Variants in DOCK8 observed in about 807,000 individuals in gnomAD.
The protein encoded by DOCK8 is dedicator of cytokinesis protein 8.
A neutral mutation model predicts 245.6 loss-of-function variants in DOCK8; 141 were observed. That is an observed-to-expected ratio of 0.57 (90% CI 0.50 to 0.66). DOCK8 has a LOEUF of 0.66. Among genes scored for constraint, DOCK8 ranks in the 30% least tolerant of loss-of-function variants. The pLI is 0.00. For missense variants in DOCK8, 2,965 were observed against 2,603.4 expected (o/e 1.14, Z -3.02); for synonymous variants, 1,168 against 970.2 (o/e 1.20, Z -3.79).
At chr9:223,635 T>A (rs1259743068) in intron 1 of DOCK8, among the ~76,000 whole-genome samples, 6 of 151,902 alleles carry the variant, frequency 3.9e-5, no homozygotes, top group African/African-American at 1.5e-4. Context: ...TTTTTTTTTT[T>A]AGGGAGAATC....
chr9:231,187 G>T (rs2047108749), intron 1 of DOCK8, among the ~76,000 whole-genome samples: 1 of 152,094 alleles, frequency 6.6e-6, no homozygotes, highest in Non-Finnish European at 1.5e-5. Flanking sequence ...GTTTTTGTCA[G>T]GTTTGTCAAG....
At chr9:298,309 C>G (rs1316470424) in intron 4 of DOCK8, among the ~76,000 whole-genome samples, 1 of 152,076 alleles carries the variant, frequency 6.6e-6, no homozygotes, top group Admixed American at 6.6e-5. Flanking sequence ...CCTGTGATCC[C>G]AGCTACTTAA....
chr9:273,033 G>C, intron 2 of DOCK8: 1 of 985,268 alleles, frequency 1.0e-6, no homozygotes, highest in Non-Finnish European at 1.2e-6. Context: ...CTTCCGCTCA[G>C]TTTCCGGTAA....
intron 28 of DOCK8, among the ~76,000 whole-genome samples, chr9:409,357 A>C (rs1290851689): frequency 6.6e-6 from 1 of 152,230 alleles, no homozygotes; most frequent in African/African-American, 2.4e-5. Context: ...AGCAAATTGC[A>C]ATGCCTAATT....
In DOCK8 at chr9:441,399, C is replaced by A. The variant is rs149082704; in HGVS notation, c.5337C>A (p.Phe1779Leu). ...TLTHSKLQRA[F>L]DSIVNKDHKR... ...CTCACAGCAAGCTGCAGAGAGCCTTCGACAGCATCGTTAACAAGGTAGCCG... is the reference window on the plus strand; with the variant it reads ...CTCACAGCAAGCTGCAGAGAGCCTTAGACAGCATCGTTAACAAGGTAGCCG... The change falls in exon 41 of 48, where the codon TTC becomes TTA. Residue 1779 changes from phenylalanine to leucine, a missense_variant. By Grantham distance (22) the Phe-to-Leu change is conservative. This residue lies in a region of DOCK8 where 2,825 missense variants were observed against 2,453.5 expected (regional missense o/e 1.15). Transcript: ENST00000432829. 11 of 1,614,214 alleles carry A rather than the reference C, an allele frequency of 6.8e-6. No homozygotes were observed. The highest frequency in any genetic ancestry group is 9.3e-6 in the Non-Finnish European group (11 of 1,180,046).
intron 23 of DOCK8, among the ~76,000 whole-genome samples, chr9:389,516 TA>T (rs1009973227): frequency 1.3e-5 from 2 of 152,136 alleles, no homozygotes; most frequent in Non-Finnish European, 2.9e-5. Flanking sequence ...ATGGGCATTA[TA>T]AAAACAAAAA....
chr9:310,567 T>C (rs571925961), intron 5 of DOCK8, among the ~76,000 whole-genome samples: 52 of 152,304 alleles, frequency 3.4e-4, no homozygotes, highest in African/African-American at 1.2e-3. Context: ...CAAGCGATTC[T>C]CCTGCCTCAG....
rs1055099863 is a variant in DOCK8 at position 316,976 on chromosome 9, G to A, written c.742-67G>A. Reference sequence around the variant, plus strand: ...GTGGAGGGTAGCCTTCCCTTCCCTGGGTTAACTCTAATTGGAGCTCCCCAC... The same window carrying A: ...GTGGAGGGTAGCCTTCCCTTCCCTGAGTTAACTCTAATTGGAGCTCCCCAC... On this transcript the variant is annotated intron_variant, in intron 6 of 47. Transcript: ENST00000432829. The A allele has an allele frequency of 4.4e-5, 57 of 1,289,112 alleles. 1 individual carries two copies. In the African/African-American group the frequency reaches 7.6e-4, roughly 17 times the overall value. 79.9% of individuals were successfully genotyped at this position (1,289,112 alleles called of 1,614,324 possible). A position where few individuals can be genotyped will look rare whatever the true frequency, so the allele number is the denominator to read the frequency against.
Position 311,570 on chromosome 9 carries a change from A to G in DOCK8, c.529-384A>G, listed in dbSNP as rs1036851112. On this transcript the variant is annotated intron_variant, in intron 5 of 47. Transcript: ENST00000432829. ...CCTGGCCCAGTCTCCTTTTTGTTAC[A>G]ACTTCCTCCAGCTCTGTTTTGCTCT... Among the ~76,000 whole-genome samples the G allele has an allele frequency of 3.3e-5, 5 of 151,904 alleles. No homozygotes were observed. The East Asian group carries it at 7.7e-4, about 24-fold the overall frequency.
intron 1 of DOCK8, among the ~76,000 whole-genome samples, chr9:255,515 A>G (rs980360335): frequency 6.6e-6 from 1 of 152,000 alleles, no homozygotes; most frequent in African/African-American, 2.4e-5. Flanking sequence ...TAAAAATACA[A>G]AAATTAGCCA....
At chr9:311,513 A>C (rs2050111615) in intron 5 of DOCK8, among the ~76,000 whole-genome samples, 1 of 150,736 alleles carries the variant, frequency 6.6e-6, no homozygotes, top group Admixed American at 6.6e-5. Context: ...TTGTCTACCC[A>C]AGGACTGGGA....
chr9:233,597 T>C lies in DOCK8; in HGVS notation c.53+18568T>C, dbSNP rs898406428. Among the ~76,000 whole-genome samples, 18 of 152,124 alleles carry C rather than the reference T, an allele frequency of 1.2e-4. No individual in the cohort carries two copies. In the South Asian group the frequency reaches 1.9e-3, roughly 16 times the overall value. On this transcript the variant is annotated intron_variant, in intron 1 of 47. Transcript: ENST00000432829. Reference sequence around the variant, plus strand: ...TGGGTGCTCCTGTATTGGGTGCATATATATTTAGGATAGTTAGCTCTTCTT... The same window carrying C: ...TGGGTGCTCCTGTATTGGGTGCATACATATTTAGGATAGTTAGCTCTTCTT...
At chr9:233,014 GC>G (rs2047155246) in intron 1 of DOCK8, among the ~76,000 whole-genome samples, 1 of 152,192 alleles carries the variant, frequency 6.6e-6, no homozygotes, top group African/African-American at 2.4e-5. Context: ...GATCTTTCCT[GC>G]TTTCTCTTGT....
At chr9:411,939 C>A (rs564364764) in intron 28 of DOCK8, among the ~76,000 whole-genome samples, 1 of 152,298 alleles carries the variant, frequency 6.6e-6, no homozygotes, top group South Asian at 2.1e-4. Flanking sequence ...AGAACTTCCT[C>A]AACTTGACTT....
intron 1 of DOCK8, among the ~76,000 whole-genome samples, chr9:223,587 A>T (rs2046929038): frequency 6.6e-6 from 1 of 151,978 alleles, no homozygotes; most frequent in South Asian, 2.1e-4. Context: ...ACTGGAGTAC[A>T]TTTATTTTTA....
chr9:333,107 C>A (rs1357686133), intron 10 of DOCK8, among the ~76,000 whole-genome samples: 1 of 152,294 alleles, frequency 6.6e-6, no homozygotes, highest in East Asian at 1.9e-4. Context: ...TCCGTGGAGA[C>A]CCCAAAACTA....
At chr9:453,157 T>G (rs781728634) in intron 46 of DOCK8, among the ~76,000 whole-genome samples, 5 of 152,198 alleles carry the variant, frequency 3.3e-5, no homozygotes, top group Non-Finnish European at 7.3e-5. Context: ...TTGCGAGAGG[T>G]CCGCAATTTT....
chr9:305,715 C>G (rs1435905332), intron 5 of DOCK8, among the ~76,000 whole-genome samples: 1 of 152,178 alleles, frequency 6.6e-6, no homozygotes, highest in Non-Finnish European at 1.5e-5. Flanking sequence ...AGAACTCCAG[C>G]AAACACTCTA....
chr9:297,240 C>T (rs1419073463), intron 4 of DOCK8, among the ~76,000 whole-genome samples: 1 of 152,160 alleles, frequency 6.6e-6, no homozygotes, highest in African/African-American at 2.4e-5. Context: ...CTATTTCATA[C>T]TTGAGGAAGC....
Sources: allele counts gnomAD v4.1 joint callset (sites outside exome capture counted in the v4.1 genomes callset), GRCh38; gene constraint gnomAD v4.1.1; regional missense constraint gnomAD v4.1.1; transcripts MANE v1.5; gene names NCBI Gene and HGNC (gene_info 2026-07-23, HGNC 2026-07-21).